AOPEP: variants seen among roughly 807,000 people sequenced by gnomAD.
The protein encoded by AOPEP is aminopeptidase O (putative).
In AOPEP, 77 loss-of-function variants were observed where a neutral mutation model predicts 98.1. That is an observed-to-expected ratio of 0.78 (90% CI 0.65 to 0.95). The LOEUF is 0.95. Ranked by LOEUF, AOPEP falls within the 40% of genes least tolerant of loss-of-function variation. AOPEP has a pLI of 0.00. For missense variants in AOPEP, 1,024 were observed against 1,024.7 expected, an observed-to-expected ratio of 1.00 and a Z score of 0.01; for synonymous variants, 346 against 365.3, an observed-to-expected ratio of 0.95 and a Z score of 0.60.
At chr9:94,763,772 C>T (rs1838924063) in intron 2 of AOPEP, among the ~76,000 whole-genome samples, 1 of 152,212 alleles carries the variant, frequency 6.6e-6, no homozygotes, top group South Asian at 2.1e-4. Flanking sequence ...GAAAGAGCTC[C>T]TCATGCCCCA....
intron 14 of AOPEP, chr9:95,065,306 C>G (rs1347694392): frequency 1.3e-5 from 2 of 152,296 alleles, no homozygotes; most frequent in Non-Finnish European, 2.9e-5. Flanking sequence ...GACGTCAGGT[C>G]CTGTCATCGT....
intron 3 of AOPEP, among the ~76,000 whole-genome samples, chr9:94,790,910 G>A (rs1845568020): frequency 6.6e-6 from 1 of 151,864 alleles, no homozygotes; most frequent in Admixed American, 6.6e-5. Flanking sequence ...TGTCAAATGT[G>A]TTTAACCCTC....
chr9:95,077,401 G>A (rs749287812), intron 14 of AOPEP, among the ~76,000 whole-genome samples: 14 of 152,228 alleles, frequency 9.2e-5, no homozygotes, highest in South Asian at 2.1e-4. Context: ...CGGTCGCCCC[G>A]CCAGGATGCT....
At chr9:94,922,099 G>A (rs551333763) in intron 5 of AOPEP, among the ~76,000 whole-genome samples, 1 of 152,242 alleles carries the variant, frequency 6.6e-6, no homozygotes, top group East Asian at 1.9e-4. Flanking sequence ...AAATGAAAGG[G>A]TGGGAGAAAG....
At chr9:94,868,596 C>G (rs547294074) in intron 5 of AOPEP, among the ~76,000 whole-genome samples, 9 of 152,298 alleles carry the variant, frequency 5.9e-5, no homozygotes, top group Admixed American at 2.6e-4. Flanking sequence ...TGCTCCATTG[C>G]TGCATCAGAT....
intron 7 of AOPEP, chr9:94,932,955 G>C (rs2055609427): frequency 1.0e-6 from 1 of 985,242 alleles, no homozygotes; most frequent in African/African-American, 1.7e-5. Context: ...AAGACGATTT[G>C]CTCAGTTTCA....
chr9:94,939,725 G>A (rs2056779914), intron 7 of AOPEP, among the ~76,000 whole-genome samples: 1 of 152,118 alleles, frequency 6.6e-6, no homozygotes, highest in South Asian at 2.1e-4. Context: ...ATTACCTTCA[G>A]GCTATGTGTA....
intron 5 of AOPEP, among the ~76,000 whole-genome samples, chr9:94,823,658 T>C (rs1251975838): frequency 6.6e-6 from 1 of 152,078 alleles, no homozygotes; most frequent in Non-Finnish European, 1.5e-5. Context: ...CCAGGCTGAG[T>C]GGAAGGAGGT....
At chr9:95,032,552 GTCC>G (rs1454691494) in intron 13 of AOPEP, among the ~76,000 whole-genome samples, 1 of 152,226 alleles carries the variant, frequency 6.6e-6, no homozygotes, top group African/African-American at 2.4e-5. Context: ...CTACCAGAGG[GTCC>G]TTCACCTTGG....
intron 13 of AOPEP, among the ~76,000 whole-genome samples, chr9:95,041,229 T>A (rs993621214): frequency 3.3e-5 from 5 of 152,140 alleles, no homozygotes; most frequent in Non-Finnish European, 7.4e-5. Flanking sequence ...GAGTGAAACA[T>A]TTGGGGCCAA....
At chr9:94,987,548 A>G (rs2060599288) in intron 11 of AOPEP, among the ~76,000 whole-genome samples, 1 of 152,188 alleles carries the variant, frequency 6.6e-6, no homozygotes, top group African/African-American at 2.4e-5. Context: ...TGGCGTCCTC[A>G]GCTGGAAGGG....
intron 3 of AOPEP, among the ~76,000 whole-genome samples, chr9:94,786,918 C>G (rs1844562484): frequency 6.6e-6 from 1 of 151,980 alleles, no homozygotes; most frequent in African/African-American, 2.4e-5. Flanking sequence ...AACCTTTTTG[C>G]TTTTAAAAGC....
intron 9 of AOPEP, among the ~76,000 whole-genome samples, chr9:94,962,624 TC>T (rs1236426558): frequency 6.6e-6 from 1 of 152,206 alleles, no homozygotes; most frequent in Non-Finnish European, 1.5e-5. Context: ...AGGTCTATGA[TC>T]CAGTTTCTTT....
intron 3 of AOPEP, 163 bp downstream of exon 3, chr9:94,773,331 G>A (rs575616934): frequency 5.3e-6 from 3 of 569,348 alleles, no homozygotes; most frequent in Non-Finnish European, 9.0e-6. Context: ...AGGGGATGGG[G>A]AGGGACACTT....
chr9:95,101,823 C>T, the AOPEP span: 26 of 1,613,902 alleles, frequency 1.6e-5, no homozygotes, highest in East Asian at 4.5e-5. Flanking sequence ...CCAATGATCT[C>T]GTGAGTTATC....
chr9:95,076,805 C>CTT (rs2069123638), intron 14 of AOPEP, among the ~76,000 whole-genome samples: 1 of 152,146 alleles, frequency 6.6e-6, no homozygotes, highest in Non-Finnish European at 1.5e-5. Context: ...TTCTAAAAAG[C>CTT]TGAGAAATAG....
At chr9:94,736,692 C>T (rs1405208225) in intron 1 of AOPEP, among the ~76,000 whole-genome samples, 6 of 152,210 alleles carry the variant, frequency 3.9e-5, no homozygotes, top group African/African-American at 1.2e-4. Context: ...TTTTTAAAGG[C>T]TACATTAATT....
At chr9:94,819,722 C>T (rs1292247833) in intron 5 of AOPEP, among the ~76,000 whole-genome samples, 1 of 151,950 alleles carries the variant, frequency 6.6e-6, no homozygotes, top group African/African-American at 2.4e-5. Context: ...AGGCATGTGC[C>T]ACCATGCCTG....
intron 7 of AOPEP, 111 bp from the exon 8 acceptor site, chr9:94,955,066 T>C (rs2058361866): frequency 3.3e-6 from 2 of 603,148 alleles, no homozygotes; most frequent in Non-Finnish European, 5.8e-6. Context: ...TACTGTTGAA[T>C]AGAATCAGGA....
Sources: gnomAD v4.1 joint callset for allele counts (sites outside exome capture counted in the v4.1 genomes callset) on GRCh38, gnomAD v4.1.1 for gene constraint, MANE v1.5 for transcripts, NCBI Gene and HGNC (gene_info 2026-07-23, HGNC 2026-07-21) for gene names.